Variants in ERBB4 observed in about 807,000 individuals in gnomAD.
The protein encoded by ERBB4 is erb-b2 receptor tyrosine kinase 4.
Under a neutral mutation model 158.0 loss-of-function variants are expected in ERBB4, and 42 were observed. The observed-to-expected ratio is 0.27, with a 90% CI of 0.21 to 0.34. The LOEUF (loss-of-function observed/expected upper bound fraction) is 0.34. ERBB4 is among the 10% of genes least tolerant of loss of function. ERBB4 has a pLI of 1.00. For synonymous variants in ERBB4, 583 were observed against 558.7 expected (o/e 1.04, Z -0.61); for missense variants, 1,333 against 1,624.1 (o/e 0.82, Z 3.08).
At chr2:211,831,985 C>G (rs1309274392) in intron 3 of ERBB4, among the ~76,000 whole-genome samples, 1 of 152,020 alleles carries the variant, frequency 6.6e-6, no homozygotes, top group Non-Finnish European at 1.5e-5. Flanking sequence ...GAAACTAGAC[C>G]AGAAGTTCTG....
At chr2:212,109,051 G>A (rs1439728358) in intron 2 of ERBB4, among the ~76,000 whole-genome samples, 1 of 152,120 alleles carries the variant, frequency 6.6e-6, no homozygotes, top group African/African-American at 2.4e-5. Context: ...TCTGCAGAAT[G>A]TTGGTAATAA....
At chr2:211,580,691 C>T (rs2068040707) in intron 19 of ERBB4, among the ~76,000 whole-genome samples, 1 of 146,492 alleles carries the variant, frequency 6.8e-6, no homozygotes, top group South Asian at 2.1e-4. Context: ...GAAAAAGATA[C>T]CTGCACATGC....
chr2:211,862,656 T>C (rs2078090876), intron 3 of ERBB4, among the ~76,000 whole-genome samples: 1 of 152,208 alleles, frequency 6.6e-6, no homozygotes, highest in African/African-American at 2.4e-5. Flanking sequence ...ATAGTAAAGA[T>C]ACTTTGCTCA....
At chr2:211,514,565 A>G (rs1162362921) in intron 20 of ERBB4, among the ~76,000 whole-genome samples, 1 of 152,158 alleles carries the variant, frequency 6.6e-6, no homozygotes. Flanking sequence ...TCATTCATGC[A>G]CTTACTCAGT....
intron 1 of ERBB4, among the ~76,000 whole-genome samples, chr2:212,494,609 C>T (rs993167326): frequency 4.6e-5 from 7 of 151,982 alleles, no homozygotes; most frequent in Middle Eastern, 3.4e-3. Context: ...AATTATAACC[C>T]GAATGGAACC....
At chr2:211,711,346 AAC>A (rs1227036673) in intron 9 of ERBB4, among the ~76,000 whole-genome samples, 4 of 152,196 alleles carry the variant, frequency 2.6e-5, no homozygotes, top group African/African-American at 9.6e-5. Flanking sequence ...CTGCAGCACT[AAC>A]ATTTAGGGAT....
chr2:212,348,406 CAT>C (rs2089108857), intron 1 of ERBB4, among the ~76,000 whole-genome samples: 2 of 152,102 alleles, frequency 1.3e-5, no homozygotes, highest in African/African-American at 4.8e-5. Flanking sequence ...AAGTTAAACA[CAT>C]ATTCATTAAA....
intron 20 of ERBB4, among the ~76,000 whole-genome samples, chr2:211,539,402 C>T (rs1424023129): frequency 6.6e-6 from 1 of 151,932 alleles, no homozygotes; most frequent in African/African-American, 2.4e-5. Flanking sequence ...TCTGATATAT[C>T]CATCTAATAA....
intron 20 of ERBB4, among the ~76,000 whole-genome samples, chr2:211,552,994 A>C (rs1382880916): frequency 2.7e-5 from 4 of 148,806 alleles, no homozygotes; most frequent in Non-Finnish European, 5.9e-5. Context: ...TTTGAGATGG[A>C]GTCTCACTCT....
intron 1 of ERBB4, among the ~76,000 whole-genome samples, chr2:212,234,819 G>C (rs1264284752): frequency 6.6e-6 from 1 of 152,082 alleles, no homozygotes; most frequent in African/African-American, 2.4e-5. Flanking sequence ...TCCACTTTTT[G>C]ATGGGTTTGT....
intron 1 of ERBB4, among the ~76,000 whole-genome samples, chr2:212,501,132 TTTAA>T (rs1419035355): frequency 6.6e-6 from 1 of 152,164 alleles, no homozygotes; most frequent in Non-Finnish European, 1.5e-5. Flanking sequence ...TAGCAGAGTC[TTTAA>T]TTAGAGAGGA....
At chr2:212,366,750 G>T (rs2089904957) in intron 1 of ERBB4, among the ~76,000 whole-genome samples, 1 of 151,530 alleles carries the variant, frequency 6.6e-6, no homozygotes, top group Admixed American at 6.6e-5. Flanking sequence ...TTAACTCTAT[G>T]GATTAAATGA....
At chr2:212,118,712 A>G (rs542754784) in intron 2 of ERBB4, among the ~76,000 whole-genome samples, 2 of 149,872 alleles carry the variant, frequency 1.3e-5, no homozygotes, top group African/African-American at 5.0e-5. Context: ...ATTTCTCCAA[A>G]GTTTTTTTAA....
chr2:212,198,733 C>CTTTTTTTTTTTTTT (rs11448093), intron 1 of ERBB4, among the ~76,000 whole-genome samples: 7 of 96,426 alleles, frequency 7.3e-5, no homozygotes, highest in African/African-American at 2.8e-4. Flanking sequence ...TCACCACGCC[C>CTTTTTTTTTTTTTT]TTTTTTTTTT....
At chr2:212,302,757 GATTTT>G (rs752750741) in intron 1 of ERBB4, among the ~76,000 whole-genome samples, 4 of 151,432 alleles carry the variant, frequency 2.6e-5, no homozygotes, top group Admixed American at 6.6e-5. Flanking sequence ...TAATTAGTGG[GATTTT>G]ATTTTAAGAT....
chr2:211,421,766 T>C (rs989400527), intron 24 of ERBB4, among the ~76,000 whole-genome samples: 2 of 151,950 alleles, frequency 1.3e-5, no homozygotes, highest in Non-Finnish European at 2.9e-5. Flanking sequence ...TCTTTATGTA[T>C]ATGTATAATC....
At chr2:211,584,373 A>C (rs2125778466) in intron 19 of ERBB4, among the ~76,000 whole-genome samples, 1 of 152,138 alleles carries the variant, frequency 6.6e-6, no homozygotes, top group African/African-American at 2.4e-5. Flanking sequence ...TATGTTTATC[A>C]AGCACTTGAG....
chr2:212,101,350 C>CAT (rs56091369), intron 2 of ERBB4, among the ~76,000 whole-genome samples: 147 of 143,080 alleles, frequency 1.0e-3, no homozygotes, highest in East Asian at 6.5e-3. Context: ...ACACCCTATA[C>CAT]ATATATATAT....
chr2:211,838,184 C>T (rs2077383378), intron 3 of ERBB4, among the ~76,000 whole-genome samples: 1 of 152,066 alleles, frequency 6.6e-6, no homozygotes, highest in African/African-American at 2.4e-5. Context: ...TTTACAATGG[C>T]CCACTTGAGT....
Sources: allele counts gnomAD v4.1 joint callset (sites outside exome capture counted in the v4.1 genomes callset), GRCh38; gene constraint gnomAD v4.1.1; transcripts MANE v1.5; gene names NCBI Gene and HGNC (gene_info 2026-07-23, HGNC 2026-07-21).